Variants in CLMP observed in about 807,000 individuals in gnomAD.
CLMP encodes CXADR-like membrane protein.
In CLMP, 27 loss-of-function variants were observed where a neutral mutation model predicts 45.2. The ratio of observed to expected loss-of-function variants is 0.60; its 90% CI spans 0.44 to 0.82. CLMP has a LOEUF of 0.82. Ranked by LOEUF, CLMP falls within the 40% of genes least tolerant of loss-of-function variation. CLMP has a pLI of 0.00. For missense variants in CLMP, 403 were observed against 448.4 expected (o/e 0.90, Z 0.91); for synonymous variants, 167 against 171.4 (o/e 0.97, Z 0.20).
intron 1 of CLMP, among the ~76,000 whole-genome samples, chr11:123,180,110 CA>C (rs1356306135): frequency 6.6e-6 from 1 of 152,216 alleles, no homozygotes; most frequent in Non-Finnish European, 1.5e-5. Context: ...ATTCAGGCTT[CA>C]TTGCTTACCA....
At chr11:123,175,588 G>A (rs75237254) in intron 1 of CLMP, among the ~76,000 whole-genome samples, 3,580 of 152,306 alleles carry the variant, frequency 0.024, 141 homozygotes, top group African/African-American at 0.082. Flanking sequence ...CTCCTGAGTA[G>A]TTGGGACTAC....
chr11:123,177,979 C>T (rs949658943), intron 1 of CLMP, among the ~76,000 whole-genome samples: 13 of 152,282 alleles, frequency 8.5e-5, no homozygotes, highest in Admixed American at 3.9e-4. Context: ...ACTTCTACCT[C>T]GGCCTCCAGA....
chr11:123,159,461 T>G (rs1861456977), intron 1 of CLMP, among the ~76,000 whole-genome samples: 1 of 152,198 alleles, frequency 6.6e-6, no homozygotes, highest in South Asian at 2.1e-4. Flanking sequence ...TGGGGTACCC[T>G]CCAGGCAGCA....
chr11:123,156,616 T>G (rs1459956091), intron 1 of CLMP, among the ~76,000 whole-genome samples: 4 of 152,242 alleles, frequency 2.6e-5, no homozygotes, highest in Non-Finnish European at 5.9e-5. Context: ...TAAAGCCCAT[T>G]GCCATTTTGT....
At chr11:123,188,463 C>G (rs1465061806) in intron 1 of CLMP, among the ~76,000 whole-genome samples, 2 of 151,896 alleles carry the variant, frequency 1.3e-5, no homozygotes, top group African/African-American at 4.8e-5. Context: ...TCTTCCTCCT[C>G]CTCCTCCTCT....
rs1443586650 is a variant in CLMP, at chr11:123,129,462, T to A, written c.29-31510A>T. Among the ~76,000 whole-genome samples the A allele has an allele frequency of 4.3e-5, 6 of 140,678 alleles. No homozygotes were observed. In the Admixed American group the frequency reaches 4.5e-4, roughly 11 times the overall value. 92.3% of individuals were successfully genotyped at this position (140,678 alleles called of 152,430 possible). On this transcript the variant is annotated intron_variant, in intron 1 of 6. Coordinates refer to ENST00000448775, the MANE Select transcript of CLMP (RefSeq NM_024769.5). ...CATATGATATATTATATAAAATATA[T>A]CATATGATATATTATAGATTATATA...
intron 1 of CLMP, among the ~76,000 whole-genome samples, chr11:123,131,535 G>A (rs1057472561): frequency 1.3e-5 from 2 of 152,118 alleles, no homozygotes; most frequent in African/African-American, 4.8e-5. Flanking sequence ...AACACAGTGT[G>A]GAGGATGGTT....
At chr11:123,131,924 T>C (rs1429327445) in intron 1 of CLMP, among the ~76,000 whole-genome samples, 2 of 152,194 alleles carry the variant, frequency 1.3e-5, no homozygotes, top group Non-Finnish European at 2.9e-5. Flanking sequence ...CCAAGATCCT[T>C]AATTTTTCTA....
chr11:123,096,372 A>C (rs1278767603), intron 2 of CLMP, among the ~76,000 whole-genome samples: 1 of 151,828 alleles, frequency 6.6e-6, no homozygotes, highest in African/African-American at 2.4e-5. Flanking sequence ...ACAACAACAA[A>C]AATCAGCCAG....
At chr11:123,144,598 G>A (rs1316300430) in intron 1 of CLMP, among the ~76,000 whole-genome samples, 2 of 152,240 alleles carry the variant, frequency 1.3e-5, no homozygotes, top group South Asian at 2.1e-4. Flanking sequence ...TCGAACTCCC[G>A]ACCTCAGGTG....
Position 123,195,101 on chromosome 11 carries a change from G to A in CLMP, c.-161C>T. 2.2e-6 allele frequency: 1 copy of A among 446,588 alleles called. No homozygotes were observed. The highest frequency in any genetic ancestry group is 3.5e-6 in the Non-Finnish European group (1 of 286,020). 27.7% of individuals were successfully genotyped at this position (446,588 alleles called of 1,614,324 possible). Reference sequence around the variant, plus strand: ...GGCGGGAGCCGGCCCCGCGCCCCGTGCCCCTGGGGGCAGATGGGCTCCCGG... The same window carrying A: ...GGCGGGAGCCGGCCCCGCGCCCCGTACCCCTGGGGGCAGATGGGCTCCCGG... On this transcript the variant is annotated 5_prime_UTR_variant, in exon 1 of 7. Coordinates refer to ENST00000448775, the MANE Select transcript of CLMP (RefSeq NM_024769.5).
In CLMP at chr11:123,187,239, G is replaced by A. The variant is rs115589346; in HGVS notation, c.28+7674C>T. On this transcript the variant is annotated intron_variant, in intron 1 of 6. Coordinates refer to ENST00000448775, the MANE Select transcript of CLMP (RefSeq NM_024769.5). ...CCAGCAGGGTCTGGGGAGCCCAGGG[G>A]CCAATTCTTACAGCGGTTGCTCCAT... 9.9e-3 allele frequency among the ~76,000 whole-genome samples: 1,514 copies of A among 152,290 alleles called. 16 individuals are homozygous for A. Among genetic ancestry groups the A allele is most frequent in the African/African-American group, 0.03 (1,227 of 41,556 alleles).
rs183956257 is a variant in CLMP, at chr11:123,089,278, A to G, written c.187-4565T>C. On this transcript the variant is annotated intron_variant, in intron 2 of 6. Transcript: ENST00000448775. ...CGCATGCCTGTAGTCCCAGCTACTCAGGTGGCTGAGGCAGGAGAATTGCTT... is the reference window on the plus strand; with the variant it reads ...CGCATGCCTGTAGTCCCAGCTACTCGGGTGGCTGAGGCAGGAGAATTGCTT... 9.7e-4 allele frequency among the ~76,000 whole-genome samples: 148 copies of G among 152,060 alleles called. 1 individual carries two copies. The highest frequency in any genetic ancestry group is 3.4e-3 in the African/African-American group (141 of 41,476).
chr11:123,190,830 A>G (rs939185469), intron 1 of CLMP, among the ~76,000 whole-genome samples: 2 of 152,244 alleles, frequency 1.3e-5, no homozygotes, highest in African/African-American at 4.8e-5. Flanking sequence ...GCTTAAGTAC[A>G]TGAGCTGAAA....
rs537816284 is a variant in CLMP, at chr11:123,152,864, T to C, written c.28+42049A>G. Among the ~76,000 whole-genome samples, 47 of 152,250 alleles carry C rather than the reference T, an allele frequency of 3.1e-4. 3 individuals carry two copies. The South Asian group carries it at 9.7e-3, about 32-fold the overall frequency. On this transcript the variant is annotated intron_variant, in intron 1 of 6. Transcript: ENST00000448775. ...TGTATCCTTTCCCATTTATATCATATATGTCCCAAACATACTCAGGAGGGC... is the reference window on the plus strand; with the variant it reads ...TGTATCCTTTCCCATTTATATCATACATGTCCCAAACATACTCAGGAGGGC...
intron 1 of CLMP, among the ~76,000 whole-genome samples, chr11:123,192,212 G>A (rs1861917293): frequency 6.6e-6 from 1 of 152,218 alleles, no homozygotes; most frequent in Non-Finnish European, 1.5e-5. Context: ...AGGAAGAGCT[G>A]TGAATGACAT....
intron 5 of CLMP, among the ~76,000 whole-genome samples, chr11:123,076,480 T>C (rs1865741722): frequency 6.6e-6 from 1 of 152,028 alleles, no homozygotes; most frequent in Admixed American, 6.6e-5. Context: ...AAGGCAAAAT[T>C]GGATGAGTGA....
chr11:123,073,315 T>C lies in CLMP; in HGVS notation c.*159A>G, dbSNP rs1335107993. 2.5e-6 allele frequency: 2 copies of C among 795,482 alleles called. No individual in the cohort carries two copies. Among genetic ancestry groups the C allele is most frequent in the African/African-American group, 1.7e-5 (1 of 58,126 alleles). The allele number at this position is 795,482 out of a possible 1,614,324, so 49.3% of individuals were successfully genotyped here. On this transcript the variant is annotated 3_prime_UTR_variant, in exon 7 of 7. Coordinates refer to ENST00000448775, the MANE Select transcript of CLMP (RefSeq NM_024769.5). ...ACATCCTTTTGCTTGTTTGGTATTG[T>C]ATAAGGAAAATGCTCATCTGAATCT...
intron 1 of CLMP, among the ~76,000 whole-genome samples, chr11:123,155,647 T>G (rs973979358): frequency 2.4e-4 from 37 of 152,214 alleles, no homozygotes; most frequent in Non-Finnish European, 2.9e-5. Context: ...GATACCATAA[T>G]GTCCTTTCAT....
Sources: allele counts gnomAD v4.1 joint callset (sites outside exome capture counted in the v4.1 genomes callset), GRCh38; gene constraint gnomAD v4.1.1; transcripts MANE v1.5; gene names NCBI Gene and HGNC (gene_info 2026-07-23, HGNC 2026-07-21).